Variants in PARVB observed in about 807,000 individuals in gnomAD.
The protein encoded by PARVB is beta-parvin.
Under a neutral mutation model 47.0 loss-of-function variants are expected in PARVB, and 46 were observed. The observed-to-expected ratio is 0.98, with a 90% CI of 0.77 to 1.25. The LOEUF (loss-of-function observed/expected upper bound fraction) is 1.25, where lower values mean the gene tolerates loss of function less well. Ranked by LOEUF, PARVB falls within the 50% of genes most tolerant of loss-of-function variation. PARVB has a pLI of 0.00. For missense variants in PARVB, 473 were observed against 471.6 expected (o/e 1.00, Z -0.03); for synonymous variants, 196 against 196.3 (o/e 1.00, Z 0.01).
chr22:44,004,716 C>T (rs182691302), intron 2 of PARVB, among the ~76,000 whole-genome samples: 71 of 152,356 alleles, frequency 4.7e-4, no homozygotes, highest in African/African-American at 1.7e-3. Context: ...CTCAAACTTT[C>T]TGGACCTATG....
At chr22:44,005,291 T>C (rs1238468462) in intron 2 of PARVB, among the ~76,000 whole-genome samples, 7 of 133,002 alleles carry the variant, frequency 5.3e-5, no homozygotes, top group Non-Finnish European at 9.7e-5. Context: ...TTTTTTTTTT[T>C]CTGTAGAGAC....
chr22:44,058,567 T>A (rs1181566271), intron 1 of PARVB, among the ~76,000 whole-genome samples: 3 of 147,830 alleles, frequency 2.0e-5, no homozygotes, highest in Non-Finnish European at 4.5e-5. Flanking sequence ...TTTTTTTTTT[T>A]TTTTTGAGAT....
At position 44,153,983 on chromosome 22, in the gene PARVB, C is replaced by T. The variant is rs181175517; in HGVS notation, c.843+2432C>T. ...AAGCCTAGAAGTGGAGTCATTAGAG[C>T]GAAGCCTGCACCGCACACTTTGAAG... On this transcript the variant is annotated intron_variant, in intron 10 of 12. Transcript: ENST00000338758. 1.1e-4 allele frequency among the ~76,000 whole-genome samples: 17 copies of T among 152,218 alleles called. 1 individual carries two copies. In the South Asian group the frequency reaches 1.9e-3, roughly 17 times the overall value.
chr22:44,031,817 T>C (rs1218402761), intron 1 of PARVB, among the ~76,000 whole-genome samples: 1 of 152,154 alleles, frequency 6.6e-6, no homozygotes, highest in Non-Finnish European at 1.5e-5. Flanking sequence ...GGATTTTAAG[T>C]GCTCCGTTGG....
At chr22:44,129,917 G>T (rs1279395006) in intron 4 of PARVB, among the ~76,000 whole-genome samples, 3 of 152,202 alleles carry the variant, frequency 2.0e-5, no homozygotes, top group African/African-American at 7.2e-5. Context: ...CTATCTGTGA[G>T]CCAACAAACG....
intron 4 of PARVB, among the ~76,000 whole-genome samples, chr22:44,126,841 A>G (rs1455780815): frequency 6.6e-6 from 1 of 152,164 alleles, no homozygotes; most frequent in East Asian, 1.9e-4. Context: ...CAAGCCTTGT[A>G]TCTGGCAGCC....
At chr22:43,999,595 A>T (rs372053549) in exon 2 of PARVB, 1 of 1,613,844 alleles carries the variant, frequency 6.2e-7, no homozygotes, top group Non-Finnish European at 8.5e-7. Context: ...CCAGGCACTC[A>T]TGGCTTCTCT....
intron 2 of PARVB, among the ~76,000 whole-genome samples, chr22:44,015,251 G>A (rs892760394): frequency 6.6e-6 from 1 of 151,988 alleles, no homozygotes; most frequent in Non-Finnish European, 1.5e-5. Flanking sequence ...GGGTGAAAGA[G>A]TCCTTGACAA....
At chr22:44,098,930 C>G (rs2052374658) in intron 2 of PARVB, among the ~76,000 whole-genome samples, 1 of 152,170 alleles carries the variant, frequency 6.6e-6, no homozygotes, top group Non-Finnish European at 1.5e-5. Context: ...CCGCCTCAGC[C>G]TCCCAAAGTG....
chr22:44,003,744 G>A (rs1443582802), intron 2 of PARVB, among the ~76,000 whole-genome samples: 2 of 152,104 alleles, frequency 1.3e-5, no homozygotes, highest in Non-Finnish European at 2.9e-5. Context: ...TCCTTTGTTC[G>A]CTTATTCGTT....
intron 11 of PARVB, among the ~76,000 whole-genome samples, chr22:44,158,930 T>G (rs917985732): frequency 6.6e-6 from 1 of 152,192 alleles, no homozygotes; most frequent in African/African-American, 2.4e-5. Context: ...ATGGGGCCAG[T>G]GTTTATCAAT....
intron 1 of PARVB, among the ~76,000 whole-genome samples, chr22:44,077,899 T>C (rs1168828704): frequency 6.6e-6 from 1 of 152,076 alleles, no homozygotes; most frequent in African/African-American, 2.4e-5. Flanking sequence ...GTTTTCACCA[T>C]GTTGGCCAGG....
chr22:44,154,540 T>G (rs913956480), intron 10 of PARVB, among the ~76,000 whole-genome samples: 1 of 149,322 alleles, frequency 6.7e-6, no homozygotes, highest in Non-Finnish European at 1.5e-5. Context: ...GGTGGGTGTG[T>G]GTGTGTGTGT....
intron 1 of PARVB, among the ~76,000 whole-genome samples, chr22:44,057,826 G>C (rs117162778): frequency 6.6e-6 from 1 of 152,178 alleles, no homozygotes; most frequent in East Asian, 1.9e-4. Context: ...AGCCCTGTGG[G>C]TTCATGCTTG....
intron 1 of PARVB, among the ~76,000 whole-genome samples, chr22:44,052,039 A>G (rs2051219451): frequency 6.6e-6 from 1 of 152,176 alleles, no homozygotes; most frequent in Non-Finnish European, 1.5e-5. Context: ...CGACACCTTG[A>G]TCTCAGACTT....
At position 44,090,346 on chromosome 22, in the gene PARVB, G is replaced by A. The variant is rs555837005; in HGVS notation, c.113-3582G>A. On this transcript the variant is annotated intron_variant, in intron 1 of 12. Transcript: ENST00000338758. ...AAGCCTTTGCTTCCCTCAGGCCATC[G>A]TGCATAACCAGCCCCTTCAGAATGC... 3.9e-5 allele frequency among the ~76,000 whole-genome samples: 6 copies of A among 152,310 alleles called. No homozygotes were observed. The South Asian group carries it at 1.0e-3, about 26-fold the overall frequency.
intron 8 of PARVB, chr22:44,145,470 C>T (rs35949543): frequency 6.6e-6 from 1 of 152,208 alleles, no homozygotes; most frequent in African/African-American, 2.4e-5. Flanking sequence ...AACCTGGGCT[C>T]TGCGGCTCCC....
chr22:44,019,020 G>A (rs185896460), intron 2 of PARVB, among the ~76,000 whole-genome samples: 7 of 151,234 alleles, frequency 4.6e-5, no homozygotes, highest in Admixed American at 2.0e-4. Context: ...AGGTTCAAGC[G>A]ATTCTCCTGC....
intron 2 of PARVB, among the ~76,000 whole-genome samples, chr22:44,012,481 T>C (rs538934439): frequency 6.6e-6 from 1 of 152,326 alleles, no homozygotes; most frequent in South Asian, 2.1e-4. Flanking sequence ...ACATCGCAGG[T>C]TACTCTCTTG....
Sources: gnomAD v4.1 joint callset for allele counts (sites outside exome capture counted in the v4.1 genomes callset) on GRCh38, gnomAD v4.1.1 for gene constraint, MANE v1.5 for transcripts, NCBI Gene and HGNC (gene_info 2026-07-23, HGNC 2026-07-21) for gene names.